Variants in ATXN7 observed in about 807,000 individuals in gnomAD.
The protein encoded by ATXN7 is ataxin-7.
ATXN7 carries 12 observed loss-of-function variants against 70.5 expected under a neutral mutation model. The ratio of observed to expected loss-of-function variants is 0.17; its 90% CI spans 0.11 to 0.28. The LOEUF (loss-of-function observed/expected upper bound fraction) is 0.28, where lower values mean the gene tolerates loss of function less well. ATXN7 is among the 10% of genes least tolerant of loss of function. The probability of loss-of-function intolerance (pLI) is 1.00; values close to 1 mark genes in which losing one functional copy is unlikely to be tolerated. For missense variants in ATXN7, 1,256 were observed against 1,131.7 expected (o/e 1.11, Z -1.58); for synonymous variants, 498 against 448.7 (o/e 1.11, Z -1.39).
At chr3:63,998,049 C>T (rs566417975) in intron 12 of ATXN7, 1 of 985,400 alleles carries the variant, frequency 1.0e-6, no homozygotes. Context: ...GCCGATTCTT[C>T]AACGCACCGT....
chr3:63,948,541 G>A (rs1193712695), intron 4 of ATXN7, among the ~76,000 whole-genome samples: 1 of 152,136 alleles, frequency 6.6e-6, no homozygotes, highest in African/African-American at 2.4e-5. Flanking sequence ...AGACACGCAG[G>A]GTACTGGGCA....
chr3:63,892,467 T>TCACA (rs60819300), intron 1 of ATXN7, among the ~76,000 whole-genome samples: 151 of 131,764 alleles, frequency 1.1e-3, no homozygotes, highest in Middle Eastern at 7.9e-3. Flanking sequence ...TATCGCTCCT[T>TCACA]CACACACACA....
intron 2 of ATXN7, among the ~76,000 whole-genome samples, chr3:63,911,023 A>C (rs558589213): frequency 6.6e-6 from 1 of 152,036 alleles, no homozygotes; most frequent in South Asian, 2.1e-4. Context: ...GTCACATCAG[A>C]TGTTTGAGGT....
chr3:63,882,289 G>A (rs538256705), intron 1 of ATXN7, among the ~76,000 whole-genome samples: 3 of 151,934 alleles, frequency 2.0e-5, no homozygotes, highest in Admixed American at 1.3e-4. Flanking sequence ...TCAGCTTGTC[G>A]TGCAACATTT....
chr3:63,922,141 G>A (rs1388123180), intron 4 of ATXN7, among the ~76,000 whole-genome samples: 1 of 152,032 alleles, frequency 6.6e-6, no homozygotes, highest in Non-Finnish European at 1.5e-5. Flanking sequence ...CTGGTCTCAA[G>A]CAATCCTCCC....
chr3:63,904,105 C>T (rs755225886), intron 2 of ATXN7: 1 of 152,182 alleles, frequency 6.6e-6, no homozygotes, highest in Non-Finnish European at 1.5e-5. Flanking sequence ...ATCTTCTCTT[C>T]CTTCAGCCTC....
At chr3:63,919,064 T>A (rs1326158332) in intron 4 of ATXN7, among the ~76,000 whole-genome samples, 1 of 152,148 alleles carries the variant, frequency 6.6e-6, no homozygotes, top group Admixed American at 6.6e-5. Context: ...CAGGGACTTT[T>A]CCCCAGTTGC....
intron 5 of ATXN7, among the ~76,000 whole-genome samples, chr3:63,974,187 C>T (rs1358814942): frequency 2.0e-5 from 3 of 152,136 alleles, no homozygotes. Flanking sequence ...GGCTGACACA[C>T]CCATAGCTGA....
At chr3:63,994,739 G>T (rs1360259024) in intron 11 of ATXN7, among the ~76,000 whole-genome samples, 1 of 152,150 alleles carries the variant, frequency 6.6e-6, no homozygotes, top group Non-Finnish European at 1.5e-5. Flanking sequence ...AGGCCTTTTT[G>T]TCTTCTGCCA....
chr3:63,983,084 A>G, intron 8 of ATXN7, 63 bp downstream of exon 8: 10 of 1,251,148 alleles, frequency 8.0e-6, no homozygotes, highest in Non-Finnish European at 4.7e-6. Flanking sequence ...GGGATGTACC[A>G]CACTACTCCC....
chr3:63,947,384 A>T (rs1444149574), intron 4 of ATXN7, among the ~76,000 whole-genome samples: 2 of 152,164 alleles, frequency 1.3e-5, no homozygotes, highest in African/African-American at 2.4e-5. Flanking sequence ...CAGGAGTTTG[A>T]GACCATTCTG....
At position 63,864,085 on chromosome 3, in the gene ATXN7, T is replaced by G. The variant is rs1446735069; in HGVS notation, c.-184T>G. 6.9e-6 allele frequency among the ~76,000 whole-genome samples: 1 copy of G among 145,036 alleles called. No homozygotes were observed. The highest frequency in any genetic ancestry group is 6.8e-5 in the Admixed American group (1 of 14,704). ...CGGCGGCCCCGGCTGCAGCCCGGGC[T>G]CCCGCCGCCCCCCTTGCAGCCCCCG... On this transcript the variant is annotated 5_prime_UTR_variant, in exon 1 of 13. Coordinates refer to ENST00000674280, the MANE Select transcript of ATXN7 (RefSeq NM_001377405.1).
At chr3:63,915,654 A>G (rs563634421) in intron 4 of ATXN7, among the ~76,000 whole-genome samples, 2 of 151,964 alleles carry the variant, frequency 1.3e-5, no homozygotes, top group African/African-American at 4.8e-5. Flanking sequence ...CATGTGAGTG[A>G]ATCACTGGAA....
Position 63,977,537 on chromosome 3 carries a change from A to G in ATXN7, c.500-2378A>G, listed in dbSNP as rs150681940. On this transcript the variant is annotated intron_variant, in intron 5 of 12. Transcript: ENST00000674280. ...AGGTGATTTTTGTAGATAAACACGG[A>G]TGAATATTTTAATGTTCAGTTTATA... Among the ~76,000 whole-genome samples the G allele has an allele frequency of 4.7e-3, 720 of 152,278 alleles. 8 individuals are homozygous for G. Among genetic ancestry groups the G allele is most frequent in the African/African-American group, 0.016 (656 of 41,554 alleles).
At chr3:63,922,729 C>T (rs1704557459) in intron 4 of ATXN7, among the ~76,000 whole-genome samples, 2 of 151,956 alleles carry the variant, frequency 1.3e-5, no homozygotes, top group Non-Finnish European at 2.9e-5. Flanking sequence ...CTTTTCAGTT[C>T]TTGGAAATTT....
intron 5 of ATXN7, among the ~76,000 whole-genome samples, chr3:63,976,250 C>T (rs1426995473): frequency 6.6e-6 from 1 of 152,152 alleles, no homozygotes; most frequent in Non-Finnish European, 1.5e-5. Context: ...AAGGGGAGTC[C>T]AACTCAACTA....
chr3:63,936,380 T>C (rs575766880), intron 4 of ATXN7, among the ~76,000 whole-genome samples: 1 of 152,288 alleles, frequency 6.6e-6, no homozygotes, highest in South Asian at 2.1e-4. Flanking sequence ...CTCCATGTGG[T>C]GTCTGTGAAA....
At chr3:63,930,648 C>T (rs1223591178) in intron 4 of ATXN7, among the ~76,000 whole-genome samples, 9 of 152,060 alleles carry the variant, frequency 5.9e-5, no homozygotes, top group African/African-American at 2.2e-4. Flanking sequence ...TCTGCCTTAG[C>T]CCCCTGAGTA....
chr3:63,917,223 G>A (rs980655196), intron 4 of ATXN7, among the ~76,000 whole-genome samples: 2 of 152,096 alleles, frequency 1.3e-5, no homozygotes, highest in Non-Finnish European at 1.5e-5. Context: ...CCTGGTTGAC[G>A]TTTTTGAAAT....
Sources: gnomAD v4.1 joint callset for allele counts (sites outside exome capture counted in the v4.1 genomes callset) on GRCh38, gnomAD v4.1.1 for gene constraint, MANE v1.5 for transcripts, NCBI Gene and HGNC (gene_info 2026-07-23, HGNC 2026-07-21) for gene names.